INPP5F: variants seen among roughly 807,000 people sequenced by gnomAD.
INPP5F encodes inositol polyphosphate-5-phosphatase F, also known as phosphatidylinositide 4-phosphatase SAC2.
Under a neutral mutation model 137.2 loss-of-function variants are expected in INPP5F, and 97 were observed. That is an observed-to-expected ratio of 0.71 (90% CI 0.60 to 0.84). The LOEUF is 0.84. Among genes scored for constraint, INPP5F ranks in the 40% least tolerant of loss-of-function variants. INPP5F has a pLI of 0.00. For missense variants in INPP5F, 1,271 were observed against 1,371.9 expected (o/e 0.93, Z 1.16); for synonymous variants, 504 against 476.9 (o/e 1.06, Z -0.74).
Position 119,827,093 on chromosome 10 carries a change from G to A in INPP5F, c.2712G>A (p.Arg904=), listed in dbSNP as rs574560834. 4 of 1,614,170 alleles carry A rather than the reference G, an allele frequency of 2.5e-6. No homozygotes were observed. The South Asian group carries it at 4.4e-5, about 18-fold the overall frequency. ...IIASAPRLGS[R]SQSLSSTDSS... ...CCTCAGCGCCTCGATTGGGCAGTCG[G>A]TCCCAGTCTCTTAGCAGCACAGATA... Residue 904 remains arginine, a synonymous_variant, in exon 20 of 20, where the codon CGG becomes CGA. Coordinates refer to ENST00000650623, the MANE Select transcript of INPP5F (RefSeq NM_014937.4).
At chr10:119,826,140 A>AGATTCC (rs1491561553) in intron 19 of INPP5F, 4 of 395,850 alleles carry the variant, frequency 1.0e-5, no homozygotes, top group Non-Finnish European at 1.8e-5. Context: ...ATTCCCATTT[A>AGATTCC]CAGTCAGAGA....
intron 6 of INPP5F, among the ~76,000 whole-genome samples, chr10:119,795,017 G>A (rs1167166047): frequency 3.8e-5 from 5 of 133,090 alleles, no homozygotes; most frequent in East Asian, 2.4e-4. Context: ...GCGGCTGGCC[G>A]GGCGGGGGGC....
chr10:119,827,283 C>A lies in INPP5F; in HGVS notation c.2902C>A (p.Gln968Lys), dbSNP rs2134312552. 3 of 1,614,114 alleles carry A rather than the reference C, an allele frequency of 1.9e-6. No homozygotes were observed. Among genetic ancestry groups the A allele is most frequent in the South Asian group, 2.2e-5 (2 of 91,088 alleles). Residue 968 changes from glutamine to lysine, a missense_variant, in exon 20 of 20, where the codon CAG (glutamine) becomes AAG (lysine). Physicochemically the swap from Gln to Lys is moderately conservative, Grantham distance 53. Around this residue, in one of 6 missense-constraint regions of INPP5F, gnomAD observed 490 missense variants for 443.7 expected, o/e 1.10. Coordinates refer to ENST00000650623, the MANE Select transcript of INPP5F (RefSeq NM_014937.4). ...IYCHRFVQDA[Q>K]NKVTHLSETR... Reference sequence around the variant, plus strand: ...CTGCCACAGATTTGTGCAAGATGCACAGAACAAAGTGACCCACCTATCAGA... The same window carrying A: ...CTGCCACAGATTTGTGCAAGATGCAAAGAACAAAGTGACCCACCTATCAGA...
At chr10:119,774,293 A>T (rs1049074615) in intron 2 of INPP5F, among the ~76,000 whole-genome samples, 1 of 150,660 alleles carries the variant, frequency 6.6e-6, no homozygotes, top group Non-Finnish European at 1.5e-5. Flanking sequence ...ACTCCCTAGA[A>T]GTCCCATAAG....
chr10:119,781,806 G>A, intron 3 of INPP5F, 35 bp downstream of exon 3: 1 of 1,523,204 alleles, frequency 6.6e-7, no homozygotes, highest in Non-Finnish European at 9.0e-7. Flanking sequence ...ATGGAAACCT[G>A]ATATAAATGT....
intron 15 of INPP5F, chr10:119,819,374 T>C: frequency 7.3e-7 from 1 of 1,362,578 alleles, no homozygotes; most frequent in Non-Finnish European, 9.6e-7. Context: ...GTTAAGGACA[T>C]AATGTTTTTG....
intron 3 of INPP5F, among the ~76,000 whole-genome samples, chr10:119,790,556 C>G (rs1399719616): frequency 2.0e-5 from 3 of 152,178 alleles, no homozygotes; most frequent in South Asian, 2.1e-4. Flanking sequence ...CAGGGATTCT[C>G]TCTCTCTCAA....
rs1851793781 is a variant in INPP5F at position 119,827,114 on chromosome 10, A to G, written c.2733A>G (p.Thr911=). The change falls in exon 20 of 20, where the codon ACA becomes ACG. Residue 911 remains threonine, a synonymous_variant. Transcript: ENST00000650623. ...LGSRSQSLSS[T]DSSVHAPSEI... Reference sequence around the variant, plus strand: ...GTCGGTCCCAGTCTCTTAGCAGCACAGATAGTAGCGTTCATGCTCCTTCAG... The same window carrying G: ...GTCGGTCCCAGTCTCTTAGCAGCACGGATAGTAGCGTTCATGCTCCTTCAG... The G allele has an allele frequency of 1.2e-6, 2 of 1,614,064 alleles. No homozygotes were observed. Among genetic ancestry groups the G allele is most frequent in the Non-Finnish European group, 1.7e-6 (2 of 1,180,042 alleles).
At chr10:119,727,440 A>G (rs915223251) in intron 1 of INPP5F, among the ~76,000 whole-genome samples, 1 of 152,336 alleles carries the variant, frequency 6.6e-6, no homozygotes, top group Middle Eastern at 3.4e-3. Context: ...CAGCAACCTT[A>G]CAGGACACGT....
chr10:119,826,203 A>G (rs761932076), intron 19 of INPP5F, among the ~76,000 whole-genome samples: 1 of 152,226 alleles, frequency 6.6e-6, no homozygotes, highest in African/African-American at 2.4e-5. Flanking sequence ...ACTGCTCACA[A>G]TGGTAGCCAC....
chr10:119,792,068 C>T (rs757628686), intron 5 of INPP5F, 32 bp downstream of exon 5: 15 of 1,614,058 alleles, frequency 9.3e-6, no homozygotes, highest in Admixed American at 3.3e-5. Context: ...GCAGGGTTTG[C>T]ACTTGGGAAG....
intron 2 of INPP5F, among the ~76,000 whole-genome samples, chr10:119,769,719 G>C (rs1300484967): frequency 6.6e-6 from 1 of 152,124 alleles, no homozygotes; most frequent in Non-Finnish European, 1.5e-5. Context: ...CAAGCTTTCG[G>C]ACTCAGATTG....
At chr10:119,816,154 CT>C (rs1851267802) in intron 15 of INPP5F, 1 of 152,276 alleles carries the variant, frequency 6.6e-6, no homozygotes, top group Non-Finnish European at 1.5e-5. Context: ...CTGTGAGCCC[CT>C]TTTGGAGAGC....
rs1394384387 is a variant in INPP5F at position 119,748,134 on chromosome 10, G to A, written c.98-2942G>A. On this transcript the variant is annotated intron_variant, in intron 1 of 19. Transcript: ENST00000650623. The surrounding 1 kb of genome is among the most constrained non-coding windows in gnomAD (Gnocchi z 4.7). ...GAGTGGTGTATGAGCGAGCGTGCACGGTCCAGACACTATGCACAGCCAGGT... is the reference window on the plus strand; with the variant it reads ...GAGTGGTGTATGAGCGAGCGTGCACAGTCCAGACACTATGCACAGCCAGGT... Among the ~76,000 whole-genome samples the A allele has an allele frequency of 1.3e-5, 2 of 152,186 alleles. No individual in the cohort carries two copies. The highest frequency in any genetic ancestry group is 6.5e-5 in the Admixed American group (1 of 15,282).
chr10:119,776,702 G>C (rs1443831904), intron 2 of INPP5F, among the ~76,000 whole-genome samples: 1 of 151,790 alleles, frequency 6.6e-6, no homozygotes, highest in African/African-American at 2.4e-5. Context: ...GTGTGTGTGT[G>C]ACCCACAGAG....
At chr10:119,766,746 A>G (rs1351203288) in intron 2 of INPP5F, among the ~76,000 whole-genome samples, 1 of 151,988 alleles carries the variant, frequency 6.6e-6, no homozygotes, top group African/African-American at 2.4e-5. Flanking sequence ...GAAATTAAAA[A>G]TAAAGACATT....
intron 1 of INPP5F, among the ~76,000 whole-genome samples, chr10:119,744,096 T>A (rs1848456479): frequency 6.6e-6 from 1 of 152,334 alleles, no homozygotes; most frequent in Middle Eastern, 3.4e-3. Context: ...CTCCATACAC[T>A]GTGGTTTTTG....
intron 2 of INPP5F, among the ~76,000 whole-genome samples, chr10:119,767,183 G>T (rs1849199674): frequency 6.6e-6 from 1 of 150,512 alleles, no homozygotes; most frequent in Non-Finnish European, 1.5e-5. Context: ...TGGGAGCATG[G>T]AGGGGTAGGA....
At chr10:119,783,010 G>T (rs1258460604) in intron 3 of INPP5F, among the ~76,000 whole-genome samples, 2 of 152,118 alleles carry the variant, frequency 1.3e-5, no homozygotes, top group Non-Finnish European at 2.9e-5. Context: ...AATTTAAGTG[G>T]ACTCTGATAT....
Sources: gnomAD v4.1 joint callset for allele counts (sites outside exome capture counted in the v4.1 genomes callset) on GRCh38, gnomAD v4.1.1 for gene constraint, gnomAD v4.1.1 regional missense constraint, Gnocchi (gnomAD v3.1) non-coding constraint, MANE v1.5 for transcripts, NCBI Gene and HGNC (gene_info 2026-07-23, HGNC 2026-07-21) for gene names.